ZGRF1: variants seen among roughly 807,000 people sequenced by gnomAD.
The protein encoded by ZGRF1 is 5'-3' DNA helicase ZGRF1.
ZGRF1 carries 196 observed loss-of-function variants against 203.5 expected under a neutral mutation model. That is an observed-to-expected ratio of 0.96 (90% CI 0.86 to 1.08). ZGRF1 has a LOEUF of 1.08. Ranked by LOEUF, ZGRF1 falls within the 50% of genes least tolerant of loss-of-function variation. The probability of loss-of-function intolerance (pLI) is 0.00; values close to 1 mark genes in which losing one functional copy is unlikely to be tolerated. For synonymous variants in ZGRF1, 809 were observed against 841.3 expected (o/e 0.96, Z 0.66); for missense variants, 2,326 against 2,416.3 (o/e 0.96, Z 0.78).
In ZGRF1 at chr4:112,618,469, G is replaced by A; in HGVS notation, c.1573C>T (p.Gln525Ter). 1 of 1,613,520 alleles carries A rather than the reference G, an allele frequency of 6.2e-7. No individual in the cohort carries two copies. Among genetic ancestry groups the A allele is most frequent in the East Asian group, 2.2e-5 (1 of 44,852 alleles). The change falls in exon 6 of 28, where the codon CAA becomes TAA. Residue 525 changes from glutamine to a stop codon, truncating the protein, a stop_gained. Coordinates refer to ENST00000505019, the MANE Select transcript of ZGRF1 (RefSeq NM_018392.5). LOFTEE classifies it high-confidence loss of function. ...SIHESLSNVT[Q>*]PFLEVTFNLN... ...TTAAAAGTTACCTCCAAAAATGGTT[G>A]TGTTACATTACTCAGAGATTCATGA...
chr4:112,543,533 C>T (rs1738120029), intron 24 of ZGRF1, among the ~76,000 whole-genome samples: 1 of 152,064 alleles, frequency 6.6e-6, no homozygotes, highest in Non-Finnish European at 1.5e-5. Flanking sequence ...TTTTAGAATT[C>T]CCCCAAATAA....
rs775067774 is a variant in ZGRF1 at position 112,541,110 on chromosome 4, A to G, written c.5757T>C (p.Asn1919=). The change falls in exon 25 of 28, where the codon AAT becomes AAC. Residue 1919 remains asparagine (N), a synonymous_variant. Transcript: ENST00000505019. ...LEWLPTLCFY[N]VKGLEQIERD... is the part of the protein sequence containing the mutation. The stretch of plus-strand genomic sequence containing the variant: ...CATTTACCTGTTCTAGTCCTTTAAC[A>G]TTATAAAAACACAGGGTTGGTAGCC... The G allele has an allele frequency of 6.9e-6, 11 of 1,596,308 alleles. No individual in the cohort carries two copies. The highest frequency in any genetic ancestry group is 8.5e-6 in the Non-Finnish European group (10 of 1,170,496).
chr4:112,567,686 G>A (rs188453215), intron 16 of ZGRF1, among the ~76,000 whole-genome samples: 1 of 152,250 alleles, frequency 6.6e-6, no homozygotes, highest in African/African-American at 2.4e-5. Context: ...AACACTTTAG[G>A]AGGCTGAGTC....
intron 6 of ZGRF1, among the ~76,000 whole-genome samples, chr4:112,615,215 A>G (rs1228100966): frequency 6.6e-6 from 1 of 152,106 alleles, no homozygotes; most frequent in African/African-American, 2.4e-5. Context: ...GACAGAAACC[A>G]GCTGGTTTCC....
intron 6 of ZGRF1, among the ~76,000 whole-genome samples, chr4:112,616,437 A>C (rs577345938): frequency 6.6e-6 from 1 of 151,696 alleles, no homozygotes; most frequent in African/African-American, 2.4e-5. Flanking sequence ...AGGCAGGAGA[A>C]TCACTTGAAC....
At chr4:112,627,247 T>G (rs1031306140) in intron 3 of ZGRF1, among the ~76,000 whole-genome samples, 2 of 152,238 alleles carry the variant, frequency 1.3e-5, no homozygotes, top group African/African-American at 4.8e-5. Flanking sequence ...TCACCTTCTA[T>G]ATCCAAGATC....
At position 112,541,368 on chromosome 4, in the gene ZGRF1, C is replaced by A. The variant is rs945088851; in HGVS notation, c.5599-100G>T. The A allele has an allele frequency of 2.5e-5, 13 of 524,700 alleles. No homozygotes were observed. The East Asian group carries it at 4.0e-4, about 16-fold the overall frequency. 32.5% of individuals were successfully genotyped at this position (524,700 alleles called of 1,614,324 possible). On this transcript the variant is annotated intron_variant, in intron 24 of 27. Coordinates refer to ENST00000505019, the MANE Select transcript of ZGRF1 (RefSeq NM_018392.5). ...ATTAAAAATATCGCTATATTATGGTCTTAGGAGATGAATTACAACCATGAT... is the reference window on the plus strand; with the variant it reads ...ATTAAAAATATCGCTATATTATGGTATTAGGAGATGAATTACAACCATGAT...
chr4:112,623,116 A>G (rs1201585950), intron 4 of ZGRF1, among the ~76,000 whole-genome samples: 1 of 152,106 alleles, frequency 6.6e-6, no homozygotes, highest in Non-Finnish European at 1.5e-5. Context: ...TTGGTTTTCT[A>G]TGTCCCTGCA....
intron 15 of ZGRF1, among the ~76,000 whole-genome samples, chr4:112,582,076 G>C (rs1281943502): frequency 6.6e-6 from 1 of 151,998 alleles, no homozygotes; most frequent in African/African-American, 2.4e-5. Flanking sequence ...TTGTTTATTG[G>C]TATATAATAG....
intron 8 of ZGRF1, among the ~76,000 whole-genome samples, chr4:112,607,665 A>G (rs370265298): frequency 2.6e-5 from 4 of 152,246 alleles, no homozygotes; most frequent in African/African-American, 7.2e-5. Context: ...GGCCAGGCAC[A>G]TGCCTATCTA....
chr4:112,625,079 G>C (rs1450702822), intron 3 of ZGRF1, among the ~76,000 whole-genome samples: 12 of 152,168 alleles, frequency 7.9e-5, no homozygotes, highest in Non-Finnish European at 1.8e-4. Context: ...TCTGAGACCA[G>C]AGGTTCAAGA....
intron 10 of ZGRF1, among the ~76,000 whole-genome samples, chr4:112,597,871 C>T (rs915596315): frequency 5.6e-5 from 8 of 144,000 alleles, no homozygotes; most frequent in African/African-American, 7.8e-5. Context: ...GTGACAGAGC[C>T]AGACTGTCTC....
chr4:112,612,411 G>A, intron 7 of ZGRF1, 113 bp downstream of exon 7: 1 of 633,374 alleles, frequency 1.6e-6, no homozygotes, highest in South Asian at 2.3e-5. Flanking sequence ...CTGAGATACA[G>A]CAGGAGTCAT....
chr4:112,558,159 ACTCT>A lies in ZGRF1; in HGVS notation c.5107_5110del (p.Arg1703TyrfsTer42). On this transcript the variant is annotated frameshift_variant, in exon 20 of 28. Transcript: ENST00000505019. LOFTEE classifies it high-confidence loss of function. ...CACTTGTCATGCCTACCCAAGAAGT[ACTCT>A]GTCAACAGCCACATTAGTAGAAGAA... 1 of 1,603,866 alleles carries A rather than the reference ACTCT, an allele frequency of 6.2e-7. No individual in the cohort carries two copies. Among genetic ancestry groups the A allele is most frequent in the Non-Finnish European group, 8.5e-7 (1 of 1,176,764 alleles).
rs1303189979 is a variant in ZGRF1, at chr4:112,623,829, A to C, written c.150T>G (p.Leu50=). 1 of 1,573,564 alleles carries C rather than the reference A, an allele frequency of 6.4e-7. No individual in the cohort carries two copies. The highest frequency in any genetic ancestry group is 8.7e-7 in the Non-Finnish European group (1 of 1,149,374). ...CACACTAAAATACCTCAAGGCATTT[A>C]AGAAACAGACTCTCCAAACATGCTC... is the stretch of plus-strand genomic sequence containing the variant. ...DKGACLESLF[L]KCLEVKPGDD... The change falls in exon 4 of 28, where the codon CTT becomes CTG. Residue 50 remains leucine, a synonymous_variant. Coordinates refer to ENST00000505019, the MANE Select transcript of ZGRF1 (RefSeq NM_018392.5).
intron 24 of ZGRF1, among the ~76,000 whole-genome samples, chr4:112,544,631 T>C (rs1738386384): frequency 6.6e-6 from 1 of 152,098 alleles, no homozygotes; most frequent in African/African-American, 2.4e-5. Context: ...AGAATACAGA[T>C]CTGAGAGAGT....
intron 20 of ZGRF1, among the ~76,000 whole-genome samples, chr4:112,556,822 A>G (rs933886244): frequency 3.4e-4 from 52 of 152,342 alleles, no homozygotes; most frequent in African/African-American, 1.1e-3. Context: ...ATATTCTACC[A>G]TAAGTATTAA....
chr4:112,610,488 T>C (rs1751417984), intron 7 of ZGRF1, among the ~76,000 whole-genome samples: 2 of 151,758 alleles, frequency 1.3e-5, no homozygotes, highest in Admixed American at 1.3e-4. Context: ...GGAGAATTGC[T>C]TGAACCCAGG....
chr4:112,597,869 G>A (rs935764653), intron 10 of ZGRF1, among the ~76,000 whole-genome samples: 3 of 146,462 alleles, frequency 2.0e-5, no homozygotes, highest in African/African-American at 5.1e-5. Flanking sequence ...GGGTGACAGA[G>A]CCAGACTGTC....
Sources: gnomAD v4.1 joint callset for allele counts (sites outside exome capture counted in the v4.1 genomes callset) on GRCh38, gnomAD v4.1.1 for gene constraint, MANE v1.5 for transcripts, NCBI Gene and HGNC (gene_info 2026-07-23, HGNC 2026-07-21) for gene names.